ATP6V1H: variants seen among roughly 807,000 people sequenced by gnomAD.
ATP6V1H encodes ATPase H+ transporting V1 subunit H.
In ATP6V1H, 39 loss-of-function variants were observed where a neutral mutation model predicts 71.7. The ratio of observed to expected loss-of-function variants is 0.54; its 90% CI spans 0.42 to 0.71. ATP6V1H has a LOEUF of 0.71. Among genes scored for constraint, ATP6V1H ranks in the 30% least tolerant of loss-of-function variants. The pLI, the probability that ATP6V1H is intolerant of heterozygous loss-of-function variation, is 0.00. For missense variants in ATP6V1H, 509 were observed against 594.9 expected (o/e 0.86, Z 1.50); for synonymous variants, 192 against 199.3 (o/e 0.96, Z 0.31).
At chr8:53,788,151 G>A (rs1471907215) in intron 9 of ATP6V1H, among the ~76,000 whole-genome samples, 1 of 152,086 alleles carries the variant, frequency 6.6e-6, no homozygotes, top group African/African-American at 2.4e-5. Context: ...TATCAAAATT[G>A]TGGATGTCTA....
At chr8:53,718,581 G>A (rs1585712014) in intron 13 of ATP6V1H, among the ~76,000 whole-genome samples, 1 of 151,938 alleles carries the variant, frequency 6.6e-6, no homozygotes, top group East Asian at 1.9e-4. Flanking sequence ...GTACAGACAG[G>A]GTTTCGTCAT....
At position 53,786,537 on chromosome 8, in the gene ATP6V1H, A is replaced by C. The variant is rs569662317; in HGVS notation, c.870+9110T>G. Among the ~76,000 whole-genome samples the C allele has an allele frequency of 2.2e-3, 337 of 152,196 alleles. 2 individuals are homozygous for C. Among genetic ancestry groups the C allele is most frequent in the African/African-American group, 7.8e-3 (326 of 41,542 alleles). ...TTGGCTCACGCACTGTGCGCTGCAC[A>C]CACTGTCTGGCACTCCCCAGTGAGA... On this transcript the variant is annotated intron_variant, in intron 9 of 13. Transcript: ENST00000359530.
chr8:53,790,045 C>T (rs964348392), intron 9 of ATP6V1H, among the ~76,000 whole-genome samples: 4 of 152,194 alleles, frequency 2.6e-5, no homozygotes, highest in Non-Finnish European at 5.9e-5. Context: ...AAAAAGCTTT[C>T]AGTACCAAGT....
chr8:53,831,201 A>C (rs558610678), intron 3 of ATP6V1H, among the ~76,000 whole-genome samples: 1 of 152,350 alleles, frequency 6.6e-6, no homozygotes, highest in African/African-American at 2.4e-5. Flanking sequence ...ATCATTAGGC[A>C]ATTTCCTTGT....
intron 5 of ATP6V1H, among the ~76,000 whole-genome samples, chr8:53,816,412 TG>T (rs1317956713): frequency 6.6e-6 from 1 of 152,208 alleles, no homozygotes; most frequent in Non-Finnish European, 1.5e-5. Context: ...AGAGAAGTCT[TG>T]TTTGTACAAA....
intron 8 of ATP6V1H, among the ~76,000 whole-genome samples, chr8:53,798,330 C>A (rs1490678768): frequency 6.6e-6 from 1 of 152,006 alleles, no homozygotes; most frequent in Admixed American, 6.6e-5. Context: ...TCAAGACCAG[C>A]CTGGCCAACA....
chr8:53,842,478 T>C (rs139496574), intron 1 of ATP6V1H: 261 of 152,318 alleles, frequency 1.7e-3, no homozygotes, highest in African/African-American at 5.9e-3. Context: ...TTCACGGCCA[T>C]GGCCACAAAG....
intron 11 of ATP6V1H, among the ~76,000 whole-genome samples, chr8:53,769,269 G>A (rs889853527): frequency 7.9e-5 from 12 of 152,144 alleles, no homozygotes; most frequent in African/African-American, 2.4e-4. Flanking sequence ...GACCTACATC[G>A]AAATTTAGAG....
chr8:53,795,829 C>T lies in ATP6V1H; in HGVS notation c.688G>A (p.Val230Met), dbSNP rs767372951. The T allele has an allele frequency of 3.1e-6, 5 of 1,600,256 alleles. 1 individual carries two copies. In the South Asian group the frequency reaches 4.5e-5, roughly 14 times the overall value. ...TGAAAGCCACACTTGTTACTCAACACTCCCATTATGCTGAAAAACAAACAA... is the reference window on the plus strand; with the variant it reads ...TGAAAGCCACACTTGTTACTCAACATTCCCATTATGCTGAAAAACAAACAA... ...EADGVNCIMG[V>M]LSNKCGFQLQ... Residue 230 changes from valine to methionine, a missense_variant, in exon 9 of 14, where the codon GTG becomes ATG. This residue lies in a region of ATP6V1H where 297 missense variants were observed against 303.3 expected (regional missense o/e 0.98). Transcript: ENST00000359530.
At chr8:53,807,657 G>C (rs1810129017) in intron 7 of ATP6V1H, among the ~76,000 whole-genome samples, 1 of 152,152 alleles carries the variant, frequency 6.6e-6, no homozygotes, top group African/African-American at 2.4e-5. Flanking sequence ...AACAGGAATG[G>C]GGAAGACTGT....
chr8:53,805,462 T>C lies in ATP6V1H; in HGVS notation c.580-3566A>G, dbSNP rs146744839. Among the ~76,000 whole-genome samples, 335 of 152,344 alleles carry C rather than the reference T, an allele frequency of 2.2e-3. 2 individuals carry two copies. Among genetic ancestry groups the C allele is most frequent in the African/African-American group, 7.8e-3 (324 of 41,578 alleles). On this transcript the variant is annotated intron_variant, in intron 7 of 13. Transcript: ENST00000359530. ...TTTAAAACTAAAAGGTGATTGTATA[T>C]GTGTGTATGTGTGATTTTTGCTTCA...
intron 11 of ATP6V1H, among the ~76,000 whole-genome samples, chr8:53,762,072 C>A (rs577913158): frequency 6.6e-6 from 1 of 152,136 alleles, no homozygotes; most frequent in Admixed American, 6.5e-5. Flanking sequence ...CCATTAGCCA[C>A]ATGTGGTTTG....
intron 13 of ATP6V1H, among the ~76,000 whole-genome samples, chr8:53,740,110 GAT>G (rs983933216): frequency 2.6e-5 from 4 of 152,114 alleles, no homozygotes; most frequent in African/African-American, 9.7e-5. Flanking sequence ...TACTCCATAT[GAT>G]ATAAACTCAA....
intron 3 of ATP6V1H, chr8:53,832,119 G>C (rs1811027419): frequency 6.6e-6 from 1 of 152,002 alleles, no homozygotes; most frequent in Non-Finnish European, 1.5e-5. Flanking sequence ...AGGCATAGTA[G>C]GGAAGGGAAG....
At chr8:53,760,423 G>A (rs748695332) in intron 11 of ATP6V1H, among the ~76,000 whole-genome samples, 24 of 152,120 alleles carry the variant, frequency 1.6e-4, no homozygotes, top group Non-Finnish European at 3.1e-4. Flanking sequence ...TGGAAACCCC[G>A]GAACTATGCC....
At chr8:53,814,829 T>TA in intron 5 of ATP6V1H, 63 bp from the exon 6 acceptor site, 1 of 1,112,040 alleles carries the variant, frequency 9.0e-7, no homozygotes, top group Non-Finnish European at 1.3e-6. Context: ...TCATATACCT[T>TA]AAAAAAAGGA....
rs774633544 is a variant in ATP6V1H, at chr8:53,772,130, T to C, written c.908A>G (p.Gln303Arg). Residue 303 changes from glutamine (Q) to arginine (R), a missense_variant, in exon 10 of 14, where the codon CAA (glutamine) becomes CGA (arginine). Around this residue, in one of 2 missense-constraint regions of ATP6V1H, gnomAD observed 212 missense variants for 291.6 expected, o/e 0.73. Coordinates refer to ENST00000359530, the MANE Select transcript of ATP6V1H (RefSeq NM_015941.4). ...CTGAATCATAGCCAGGGCATATTCT[T>C]GGCGAGTTTCTCTTTCAGTTGATTT... ...LEKSTERETR[Q>R]EYALAMIQCK... 2 of 1,613,404 alleles carry C rather than the reference T, an allele frequency of 1.2e-6. No homozygotes were observed. The highest frequency in any genetic ancestry group is 3.3e-5 in the Admixed American group (2 of 59,866).
chr8:53,806,305 A>AC (rs1810077144), intron 7 of ATP6V1H, among the ~76,000 whole-genome samples: 1 of 152,120 alleles, frequency 6.6e-6, no homozygotes, highest in Non-Finnish European at 1.5e-5. Flanking sequence ...CAAAACACTA[A>AC]ACAATTGTAA....
chr8:53,740,327 C>T (rs1304963071), intron 13 of ATP6V1H, among the ~76,000 whole-genome samples: 1 of 152,108 alleles, frequency 6.6e-6, no homozygotes, highest in Non-Finnish European at 1.5e-5. Flanking sequence ...TCCAAAGTTA[C>T]AATTTAATCT....
Sources: allele counts gnomAD v4.1 joint callset (sites outside exome capture counted in the v4.1 genomes callset), GRCh38; gene constraint gnomAD v4.1.1; regional missense constraint gnomAD v4.1.1; transcripts MANE v1.5; gene names NCBI Gene and HGNC (gene_info 2026-07-23, HGNC 2026-07-21).